Variants in GALNT9 observed in about 807,000 individuals in gnomAD.
The protein encoded by GALNT9 is polypeptide N-acetylgalactosaminyltransferase 9.
In GALNT9, 47 loss-of-function variants were observed where a neutral mutation model predicts 63.1. That is an observed-to-expected ratio of 0.75 (90% CI 0.59 to 0.95). GALNT9 has a LOEUF of 0.95. GALNT9 is among the 40% of genes least tolerant of loss of function. The pLI, the probability that GALNT9 is intolerant of heterozygous loss-of-function variation, is 0.00. For missense variants in GALNT9, 829 were observed against 874.8 expected (o/e 0.95, Z 0.66); for synonymous variants, 396 against 365.7 (o/e 1.08, Z -0.94).
rs1555246780 is a variant in GALNT9 at position 132,329,222 on chromosome 12, G to T, written c.-19C>A. On this transcript the variant is annotated 5_prime_UTR_variant, in exon 1 of 11. Coordinates refer to ENST00000328957, the MANE Select transcript of GALNT9 (RefSeq NM_001122636.2). ...CCGCCATGAACACGGCTGCAGCGGGGGCCTCACCCGCGGGGCATCCCCAGC... is the reference window on the plus strand; with the variant it reads ...CCGCCATGAACACGGCTGCAGCGGGTGCCTCACCCGCGGGGCATCCCCAGC... 11 of 1,534,352 alleles carry T rather than the reference G, an allele frequency of 7.2e-6. No homozygotes were observed. The highest frequency in any genetic ancestry group is 7.9e-6 in the Non-Finnish European group (9 of 1,135,170).
chr12:132,260,357 T>C (rs551935975), intron 4 of GALNT9, among the ~76,000 whole-genome samples: 1 of 152,172 alleles, frequency 6.6e-6, no homozygotes, highest in Non-Finnish European at 1.5e-5. Context: ...GGTGAGGAGG[T>C]GAAGTCTTGC....
chr12:132,226,553 C>T (rs1877696490), intron 6 of GALNT9, among the ~76,000 whole-genome samples: 1 of 144,660 alleles, frequency 6.9e-6, no homozygotes, highest in Non-Finnish European at 1.5e-5. Context: ...ACCCACACCC[C>T]ACTGTATATA....
intron 6 of GALNT9, among the ~76,000 whole-genome samples, chr12:132,221,349 C>CAA (rs1877437341): frequency 1.1e-4 from 1 of 9,088 alleles, no homozygotes; most frequent in Non-Finnish European, 1.8e-4. Flanking sequence ...GAGATTGTGT[C>CAA]CAAAAAAAAA....
intron 6 of GALNT9, among the ~76,000 whole-genome samples, chr12:132,204,853 C>T (rs374215573): frequency 2.0e-5 from 3 of 152,138 alleles, no homozygotes; most frequent in Non-Finnish European, 4.4e-5. Context: ...CAAGCTCCGC[C>T]GTGCTCAGGT....
chr12:132,200,125 T>C (rs1002409687), intron 8 of GALNT9, among the ~76,000 whole-genome samples: 1 of 152,174 alleles, frequency 6.6e-6, no homozygotes, highest in African/African-American at 2.4e-5. Context: ...CTGGGAAACC[T>C]CTGTGCCCAA....
In GALNT9 at chr12:132,261,005, G is replaced by A. The variant is rs782299584; in HGVS notation, c.704C>T (p.Ala235Val). The change falls in exon 4 of 11, where the codon GCG becomes GTG. Residue 235 changes from alanine (A) to valine (V), a missense_variant. Coordinates refer to ENST00000328957, the MANE Select transcript of GALNT9 (RefSeq NM_001122636.2). ...LIRARLQGWK[A>V]ATAPVVGFFD... ...GAAGCCGACGACTGGGGCGGTGGCC[G>A]CCTTCCAGCCCTGCAGCCGCGCGCG... 9.0e-6 allele frequency: 14 copies of A among 1,548,602 alleles called. No individual in the cohort carries two copies. The highest frequency in any genetic ancestry group is 2.4e-5 in the South Asian group (2 of 83,694).
At chr12:132,240,490 C>T (rs2136898341) in intron 6 of GALNT9, 2 of 401,732 alleles carry the variant, frequency 5.0e-6, no homozygotes, top group East Asian at 7.2e-5. Flanking sequence ...CCAGCTCGGA[C>T]CCCGGGCGGC....
In GALNT9 at chr12:132,286,510, TCTCCCCGACGG is replaced by T. The variant is rs1214415342; in HGVS notation, c.239-91_239-81del. The T allele has an allele frequency of 1.2e-6, 1 of 837,904 alleles. No homozygotes were observed. The highest frequency in any genetic ancestry group is 4.8e-5 in the East Asian group (1 of 20,888). The allele number at this position is 837,904 out of a possible 1,614,324, so 51.9% of individuals were successfully genotyped here. A position where few individuals can be genotyped will look rare whatever the true frequency, so the allele number is the denominator to read the frequency against. ...ACCCAGGAGACGCCCCTCCCGCCCCTCTCCCCGACGGCCGCTTCCCCCGGTACAAGCCCAGC... is the reference window on the plus strand; with the variant it reads ...ACCCAGGAGACGCCCCTCCCGCCCCTCCGCTTCCCCCGGTACAAGCCCAGC... On this transcript the variant is annotated intron_variant, in intron 1 of 10. Coordinates refer to ENST00000328957, the MANE Select transcript of GALNT9 (RefSeq NM_001122636.2). The surrounding 1 kb of genome is among the most constrained non-coding windows in gnomAD (Gnocchi z 7.4).
rs1185607061 is a variant in GALNT9 at position 132,329,562 on chromosome 12, C to T, written c.-359G>A. Among the ~76,000 whole-genome samples the T allele has an allele frequency of 8.1e-5, 12 of 147,546 alleles. No individual in the cohort carries two copies. Among genetic ancestry groups the T allele is most frequent in the Admixed American group, 2.0e-4 (3 of 14,882 alleles). ...GTGCCGGCTCCTGTCCTGCCCGCCC[C>T]GCAGCCACCGCGCCGGTGCAGAGTG... is the stretch of plus-strand genomic sequence containing the variant. On this transcript the variant is annotated 5_prime_UTR_variant, in exon 1 of 11. Transcript: ENST00000328957.
rs1050238049 is a variant in GALNT9, at chr12:132,329,084, G to A, written c.120C>T (p.Ile40=). ...TGCGCACCCGGCGGTCGCCGCTCAC[G>A]ATGCGCACGAGCTCCTGGGAGCGGC... ...LQGRSQELVR[I]VSGDRRVRSR... The change falls in exon 1 of 11, where the codon ATC becomes ATT. Residue 40 remains isoleucine, a synonymous_variant. Transcript: ENST00000328957. 3.2e-6 allele frequency: 5 copies of A among 1,548,256 alleles called. No homozygotes were observed. Among genetic ancestry groups the A allele is most frequent in the East Asian group, 4.9e-5 (2 of 40,902 alleles).
Position 132,300,843 on chromosome 12 carries a change from C to T in GALNT9, c.239-14413G>A, listed in dbSNP as rs551878490. Among the ~76,000 whole-genome samples the T allele has an allele frequency of 1.3e-3, 198 of 152,340 alleles. 1 individual carries two copies. The highest frequency in any genetic ancestry group is 4.4e-3 in the African/African-American group (182 of 41,574). On this transcript the variant is annotated intron_variant, in intron 1 of 10. Transcript: ENST00000328957. ...ACCCACCCCTGAGATAACCAACCCA[C>T]TCCTGAGATAACTCACTCCCATAAC...
intron 6 of GALNT9, among the ~76,000 whole-genome samples, chr12:132,214,472 C>T (rs146900681): frequency 2.4e-4 from 37 of 152,196 alleles, no homozygotes; most frequent in African/African-American, 2.4e-4. Flanking sequence ...AACCAGGCAA[C>T]GAGAGTCCAC....
intron 5 of GALNT9, among the ~76,000 whole-genome samples, chr12:132,256,930 C>T (rs868953582): frequency 3.9e-5 from 6 of 152,212 alleles, no homozygotes; most frequent in Non-Finnish European, 8.8e-5. Context: ...AGCTTGCTGG[C>T]GCAGGCCAGT....
At chr12:132,326,722 G>T (rs1336810515) in intron 1 of GALNT9, among the ~76,000 whole-genome samples, 1 of 152,222 alleles carries the variant, frequency 6.6e-6, no homozygotes, top group Non-Finnish European at 1.5e-5. Flanking sequence ...TTAGTATCGA[G>T]TGGGAGCTCC....
rs2136905529 is a variant in GALNT9 at position 132,243,446 on chromosome 12, G to C, written c.1077+4464C>G. Among the ~76,000 whole-genome samples, 324 of 151,336 alleles carry C rather than the reference G, an allele frequency of 2.1e-3. 16 individuals are homozygous for C. The East Asian group carries it at 0.033, about 15-fold the overall frequency. On this transcript the variant is annotated intron_variant, in intron 6 of 10. Transcript: ENST00000328957. ...TCGTCTTCCGGAGCTCTCTCTCTCT[G>C]GTGGGGGCCCCACCTGGCCGACCTG...
chr12:132,266,773 C>T (rs576493263), intron 2 of GALNT9, among the ~76,000 whole-genome samples: 39 of 152,332 alleles, frequency 2.6e-4, no homozygotes, highest in African/African-American at 7.9e-4. Flanking sequence ...GGGGCCTGGA[C>T]CTCCCCTCCT....
intron 2 of GALNT9, chr12:132,280,935 A>G (rs1880313210): frequency 6.6e-6 from 1 of 152,312 alleles, no homozygotes; most frequent in Non-Finnish European, 1.5e-5. Context: ...AAATGGGACA[A>G]TAAGAGGCTC....
At chr12:132,242,024 C>A (rs2136902907) in intron 6 of GALNT9, among the ~76,000 whole-genome samples, 24 of 7,946 alleles carry the variant, frequency 3.0e-3, no homozygotes, top group Admixed American at 4.1e-3. Context: ...CACGCCACAC[C>A]CCCTTCCCGG....
chr12:132,305,214 C>A (rs1192473632), intron 1 of GALNT9, among the ~76,000 whole-genome samples: 2 of 48,334 alleles, frequency 4.1e-5, no homozygotes, highest in Non-Finnish European at 7.0e-5. Flanking sequence ...CCCGGGCACA[C>A]CCTCGCCCGG....
Sources: allele counts gnomAD v4.1 joint callset (sites outside exome capture counted in the v4.1 genomes callset), GRCh38; gene constraint gnomAD v4.1.1; non-coding constraint Gnocchi (gnomAD v3.1); transcripts MANE v1.5; gene names NCBI Gene and HGNC (gene_info 2026-07-23, HGNC 2026-07-21).